The following TRPM3 variants were observed in gnomAD, a reference collection of about 807,000 sequenced individuals.
TRPM3 encodes long transient receptor potential channel 3.
TRPM3 carries 77 observed loss-of-function variants against 181.2 expected under a neutral mutation model. That is an observed-to-expected ratio of 0.42 (90% CI 0.35 to 0.51). The LOEUF (loss-of-function observed/expected upper bound fraction) is 0.51. TRPM3 is among the 20% of genes least tolerant of loss of function. The probability of loss-of-function intolerance (pLI) is 0.01; values close to 1 mark genes in which losing one functional copy is unlikely to be tolerated. For synonymous variants in TRPM3, 745 were observed against 796.4 expected, an observed-to-expected ratio of 0.94 and a Z score of 1.09; for missense variants, 1,759 against 2,196.7, an observed-to-expected ratio of 0.80 and a Z score of 3.98.
intron 22 of TRPM3, among the ~76,000 whole-genome samples, chr9:70,563,836 A>G (rs1320396614): frequency 3.3e-5 from 5 of 152,180 alleles, no homozygotes; most frequent in Non-Finnish European, 5.9e-5. Flanking sequence ...TCTGATTCTG[A>G]CTTTACAAAA....
intron 1 of TRPM3, among the ~76,000 whole-genome samples, chr9:71,027,026 C>T (rs964260227): frequency 6.6e-6 from 1 of 152,076 alleles, no homozygotes; most frequent in African/African-American, 2.4e-5. Context: ...AATCCTGCTG[C>T]CACCACCCTA....
intron 7 of TRPM3, among the ~76,000 whole-genome samples, chr9:70,771,899 C>T (rs1186323350): frequency 6.6e-6 from 1 of 152,002 alleles, no homozygotes; most frequent in African/African-American, 2.4e-5. Flanking sequence ...TCTATCTAAC[C>T]CTGCTAAAAT....
chr9:71,280,017 G>T (rs2132184671), intron 1 of TRPM3, among the ~76,000 whole-genome samples: 1 of 149,908 alleles, frequency 6.7e-6, no homozygotes, highest in South Asian at 2.1e-4. Flanking sequence ...GTCAGAGGTT[G>T]CAGTGAGCCG....
chr9:70,759,405 C>A (rs2077681442), intron 8 of TRPM3, among the ~76,000 whole-genome samples: 1 of 152,204 alleles, frequency 6.6e-6, no homozygotes, highest in Non-Finnish European at 1.5e-5. Flanking sequence ...TTAGTTCAAT[C>A]ATTCTGGAAG....
chr9:70,880,633 C>T (rs951951378), intron 1 of TRPM3, among the ~76,000 whole-genome samples: 2 of 152,068 alleles, frequency 1.3e-5, no homozygotes, highest in African/African-American at 4.8e-5. Context: ...AATTTGAGGA[C>T]AAAGTCCTGA....
At chr9:71,422,994 G>T (rs1221751327) in intron 1 of TRPM3, among the ~76,000 whole-genome samples, 1 of 151,998 alleles carries the variant, frequency 6.6e-6, no homozygotes, top group African/African-American at 2.4e-5. Flanking sequence ...ACCTTCTCTA[G>T]GTCTCAGCCC....
intron 22 of TRPM3, among the ~76,000 whole-genome samples, chr9:70,578,669 C>T (rs114685440): frequency 0.064 from 9,713 of 152,286 alleles, 364 homozygotes; most frequent in African/African-American, 0.095. Flanking sequence ...GCACTCTCTG[C>T]CTGGCTTTAG....
At chr9:70,986,700 T>C (rs1199968123) in intron 1 of TRPM3, among the ~76,000 whole-genome samples, 2 of 152,178 alleles carry the variant, frequency 1.3e-5, no homozygotes, top group Non-Finnish European at 2.9e-5. Context: ...CTCTTTAGCA[T>C]TTGTGATTTC....
intron 1 of TRPM3, among the ~76,000 whole-genome samples, chr9:71,213,464 A>G (rs951724818): frequency 1.1e-4 from 16 of 152,330 alleles, no homozygotes; most frequent in African/African-American, 3.4e-4. Flanking sequence ...TATGTTTTGA[A>G]AACATTTTAC....
chr9:70,948,349 T>C (rs1342007682), intron 1 of TRPM3, among the ~76,000 whole-genome samples: 2 of 152,190 alleles, frequency 1.3e-5, no homozygotes, highest in African/African-American at 4.8e-5. Context: ...CCTATGTCAA[T>C]CTGAACATTG....
intron 1 of TRPM3, among the ~76,000 whole-genome samples, chr9:71,215,047 C>CAAAA (rs72383590): frequency 1.8e-5 from 2 of 112,554 alleles, no homozygotes; most frequent in African/African-American, 7.3e-5. Flanking sequence ...AAAAAAAAAA[C>CAAAA]AAAAAAAAAA....
rs1421468034 is a variant in TRPM3, at chr9:70,532,081, A to C, written c.*3872T>G. The C allele has an allele frequency of 6.6e-6, 1 of 152,202 alleles. No homozygotes were observed. The highest frequency in any genetic ancestry group is 2.4e-5 in the African/African-American group (1 of 41,456). 9.4% of individuals were successfully genotyped at this position (152,202 alleles called of 1,614,324 possible). A position where few individuals can be genotyped will look rare whatever the true frequency, so the allele number is the denominator to read the frequency against. On this transcript the variant is annotated 3_prime_UTR_variant, in exon 26 of 26. Coordinates refer to ENST00000677713, the MANE Select transcript of TRPM3 (RefSeq NM_001366145.2). ...GCTGGGTTAAACATGGGTTACATAC[A>C]TGTTTACATGTGTTTTATAATACAG...
At position 70,917,272 on chromosome 9, in the gene TRPM3, A is replaced by G. The variant is rs2096606657; in HGVS notation, c.178-52761T>C. ...CAGTTATCATAAACACCAATTCAGCATAGTCAATTAGGAAGCGAAAGTGGT... is the reference window on the plus strand; with the variant it reads ...CAGTTATCATAAACACCAATTCAGCGTAGTCAATTAGGAAGCGAAAGTGGT... On this transcript the variant is annotated intron_variant, in intron 1 of 25. Transcript: ENST00000677713. The G allele has an allele frequency of 1.8e-5, 26 of 1,476,370 alleles. No individual in the cohort carries two copies. The South Asian group carries it at 2.6e-4, about 15-fold the overall frequency. The allele number at this position is 1,476,370 out of a possible 1,614,324, so 91.5% of individuals were successfully genotyped here.
At position 71,227,210 on chromosome 9, in the gene TRPM3, C is replaced by T. The variant is rs150974399; in HGVS notation, c.183+219443G>A. Among the ~76,000 whole-genome samples the T allele has an allele frequency of 4.2e-3, 626 of 150,088 alleles. 2 individuals are homozygous for T. The highest frequency in any genetic ancestry group is 7.3e-3 in the Non-Finnish European group (490 of 67,394). On this transcript the variant is annotated intron_variant, in intron 1 of 24. Transcript: ENST00000357533. ...CAATAACAAGAAGAATTTTGGAAAC[C>T]ATATAAACACATGGAAATTAAACAG...
intron 1 of TRPM3, among the ~76,000 whole-genome samples, chr9:71,049,795 T>C (rs915077570): frequency 6.6e-6 from 1 of 152,132 alleles, no homozygotes. Context: ...GGAGACTAGA[T>C]TAAAATCCCA....
intron 22 of TRPM3, among the ~76,000 whole-genome samples, chr9:70,577,448 G>C (rs2054328574): frequency 6.6e-6 from 1 of 152,162 alleles, no homozygotes; most frequent in African/African-American, 2.4e-5. Context: ...TAGATCACTA[G>C]TAAATCAGCA....
intron 22 of TRPM3, among the ~76,000 whole-genome samples, chr9:70,570,655 T>C (rs571695968): frequency 1.9e-4 from 29 of 152,330 alleles, no homozygotes; most frequent in Admixed American, 1.3e-4. Context: ...CAATATTCAC[T>C]ATTTTTTTCT....
chr9:71,113,786 C>T (rs1433629352), intron 1 of TRPM3, among the ~76,000 whole-genome samples: 2 of 152,148 alleles, frequency 1.3e-5, no homozygotes, highest in African/African-American at 4.8e-5. Flanking sequence ...AAATGAGATA[C>T]TGAGGCCTGG....
At chr9:70,682,427 A>G (rs1276176820) in intron 8 of TRPM3, among the ~76,000 whole-genome samples, 1 of 152,146 alleles carries the variant, frequency 6.6e-6, no homozygotes, top group Non-Finnish European at 1.5e-5. Flanking sequence ...AGCTGGTCAC[A>G]GACCCATTTA....
Sources: gnomAD v4.1 joint callset for allele counts (sites outside exome capture counted in the v4.1 genomes callset) on GRCh38, gnomAD v4.1.1 for gene constraint, MANE v1.5 for transcripts, NCBI Gene and HGNC (gene_info 2026-07-23, HGNC 2026-07-21) for gene names.